The following SDK1 variants were observed in gnomAD, a reference collection of about 807,000 sequenced individuals.
The protein encoded by SDK1 is sidekick cell adhesion molecule 1, also known as protein sidekick-1.
A neutral mutation model predicts 245.5 loss-of-function variants in SDK1; 157 were observed. The ratio of observed to expected loss-of-function variants is 0.64; its 90% CI spans 0.56 to 0.73. The LOEUF (loss-of-function observed/expected upper bound fraction) is 0.73, where lower values mean the gene tolerates loss of function less well. Ranked by LOEUF, SDK1 falls within the 30% of genes least tolerant of loss-of-function variation. SDK1 has a pLI of 0.00. For synonymous variants in SDK1, 1,647 were observed against 1,278.5 expected (o/e 1.29, Z -6.15); for missense variants, 3,583 against 3,002.3 (o/e 1.19, Z -4.52).
intron 35 of SDK1, among the ~76,000 whole-genome samples, chr7:4,203,173 G>A (rs550214265): frequency 2.0e-5 from 3 of 152,324 alleles, no homozygotes; most frequent in Middle Eastern, 6.8e-3. Context: ...GCCCAGCCAC[G>A]CAAGGCCATC....
intron 17 of SDK1, among the ~76,000 whole-genome samples, chr7:4,034,246 C>T (rs1054357985): frequency 1.3e-5 from 2 of 152,290 alleles, no homozygotes; most frequent in East Asian, 1.9e-4. Context: ...TTGAAGAAGA[C>T]GAAAGAGACA....
At chr7:3,864,379 T>C (rs1780770421) in intron 5 of SDK1, among the ~76,000 whole-genome samples, 1 of 152,222 alleles carries the variant, frequency 6.6e-6, no homozygotes, top group South Asian at 2.1e-4. Flanking sequence ...GGTCGATATA[T>C]GTTGATAGTT....
chr7:3,362,709 AT>A (rs1382396876), intron 1 of SDK1, among the ~76,000 whole-genome samples: 2 of 152,328 alleles, frequency 1.3e-5, no homozygotes, highest in Non-Finnish European at 2.9e-5. Flanking sequence ...AACAATATGT[AT>A]TGATAATTAA....
chr7:3,610,314 TA>T (rs1781549545), intron 1 of SDK1, among the ~76,000 whole-genome samples: 1 of 152,220 alleles, frequency 6.6e-6, no homozygotes, highest in Non-Finnish European at 1.5e-5. Flanking sequence ...GTTTTTTATT[TA>T]ATCAGGGTTG....
intron 1 of SDK1, among the ~76,000 whole-genome samples, chr7:3,402,637 T>A (rs1010545091): frequency 1.3e-4 from 20 of 151,782 alleles, no homozygotes; most frequent in Non-Finnish European, 7.4e-5. Context: ...TTGTTGTTGC[T>A]TTTTTTCATC....
intron 1 of SDK1, among the ~76,000 whole-genome samples, chr7:3,547,661 C>A (rs766367579): frequency 6.6e-6 from 1 of 152,212 alleles, no homozygotes; most frequent in Non-Finnish European, 1.5e-5. Flanking sequence ...CCTGGCCCTT[C>A]ATCTTGACTG....
At chr7:3,666,199 C>G (rs921934570) in intron 4 of SDK1, among the ~76,000 whole-genome samples, 12 of 152,284 alleles carry the variant, frequency 7.9e-5, no homozygotes, top group African/African-American at 2.9e-4. Flanking sequence ...GTTTCCGGGC[C>G]TCAAGATGAA....
chr7:3,401,509 A>C, intron 1 of SDK1, among the ~76,000 whole-genome samples: 1 of 152,116 alleles, frequency 6.6e-6, no homozygotes, highest in East Asian at 1.9e-4. Context: ...AGGACTTCAT[A>C]ATTTTATGGT....
At chr7:4,193,113 TA>T (rs948754238) in intron 35 of SDK1, among the ~76,000 whole-genome samples, 1 of 134,474 alleles carries the variant, frequency 7.4e-6, no homozygotes, top group Non-Finnish European at 1.5e-5. Flanking sequence ...ATAAATATAT[TA>T]AAATATATAT....
chr7:3,581,439 A>G (rs554119470), intron 1 of SDK1, among the ~76,000 whole-genome samples: 4 of 152,370 alleles, frequency 2.6e-5, no homozygotes, highest in South Asian at 2.1e-4. Context: ...AATCAAAACT[A>G]CAATGAGATG....
rs78032310 is a variant in SDK1 at position 3,421,822 on chromosome 7, C to A, written c.298+119938C>A. Among the ~76,000 whole-genome samples, 1,385 of 152,246 alleles carry A rather than the reference C, an allele frequency of 9.1e-3. 27 individuals carry two copies. Among genetic ancestry groups the A allele is most frequent in the African/African-American group, 0.031 (1,305 of 41,522 alleles). ...AGAACCTGCTCTTAACCTTAAATAA[C>A]AGAGCTGCTGCCAGGGCTGCTGCCT... On this transcript the variant is annotated intron_variant, in intron 1 of 44. Transcript: ENST00000404826.
chr7:3,782,208 G>T (rs1780767292), intron 4 of SDK1, among the ~76,000 whole-genome samples: 1 of 152,196 alleles, frequency 6.6e-6, no homozygotes, highest in Non-Finnish European at 1.5e-5. Context: ...TACAATCCTG[G>T]CAGAAGGCAA....
intron 1 of SDK1, among the ~76,000 whole-genome samples, chr7:3,336,023 G>GACATGTTCTAGTTCT (rs1562422128): frequency 6.6e-6 from 1 of 152,108 alleles, no homozygotes; most frequent in Admixed American, 6.5e-5. Flanking sequence ...TCTAGTACAG[G>GACATGTTCTAGTTCT]GCACTGCAGA....
intron 1 of SDK1, among the ~76,000 whole-genome samples, chr7:3,489,069 G>C (rs1464883294): frequency 6.6e-6 from 1 of 152,102 alleles, no homozygotes; most frequent in Non-Finnish European, 1.5e-5. Flanking sequence ...CATGGCTTGA[G>C]GGCCAGTCCA....
chr7:3,739,613 T>A (rs1284214085), intron 4 of SDK1, among the ~76,000 whole-genome samples: 3 of 152,240 alleles, frequency 2.0e-5, no homozygotes, highest in Non-Finnish European at 4.4e-5. Flanking sequence ...TAACCAAAAT[T>A]AATACTTTTA....
chr7:3,934,817 A>C (rs894009163), intron 5 of SDK1, among the ~76,000 whole-genome samples: 34 of 152,188 alleles, frequency 2.2e-4, no homozygotes, highest in African/African-American at 8.2e-4. Flanking sequence ...GACCCCAGAA[A>C]GTGTGAGTAG....
intron 10 of SDK1, among the ~76,000 whole-genome samples, chr7:3,968,000 A>C (rs187132095): frequency 6.6e-6 from 1 of 152,344 alleles, no homozygotes; most frequent in African/African-American, 2.4e-5. Flanking sequence ...GATTGTGCAA[A>C]TGTCACTCTT....
chr7:3,410,095 C>T (rs1349267313), intron 1 of SDK1, among the ~76,000 whole-genome samples: 2 of 152,092 alleles, frequency 1.3e-5, no homozygotes, highest in Non-Finnish European at 2.9e-5. Context: ...ATGTCTGGCA[C>T]ATAATAAGTA....
intron 33 of SDK1, 104 bp from the exon 34 acceptor site, chr7:4,175,671 G>A: frequency 1.1e-6 from 1 of 946,086 alleles, no homozygotes; most frequent in Non-Finnish European, 1.7e-6. Context: ...GGAAGTGGCT[G>A]GCATCCCAGT....
Sources: gnomAD v4.1 joint callset for allele counts (sites outside exome capture counted in the v4.1 genomes callset) on GRCh38, gnomAD v4.1.1 for gene constraint, MANE v1.5 for transcripts, NCBI Gene and HGNC (gene_info 2026-07-23, HGNC 2026-07-21) for gene names.